The following RFTN2 variants were observed in gnomAD, a reference collection of about 807,000 sequenced individuals.
The protein encoded by RFTN2 is raftlin family member 2.
Under a neutral mutation model 52.7 loss-of-function variants are expected in RFTN2, and 34 were observed. That is an observed-to-expected ratio of 0.64 (90% CI 0.49 to 0.86). The LOEUF (loss-of-function observed/expected upper bound fraction) is 0.86, where lower values mean the gene tolerates loss of function less well. Ranked by LOEUF, RFTN2 falls within the 40% of genes least tolerant of loss-of-function variation. The probability of loss-of-function intolerance (pLI) is 0.00; values close to 1 mark genes in which losing one functional copy is unlikely to be tolerated. For missense variants in RFTN2, 536 were observed against 600.1 expected (o/e 0.89, Z 1.12); for synonymous variants, 203 against 217.7 (o/e 0.93, Z 0.59).
chr2:197,657,908 A>G (rs13404366), intron 1 of RFTN2, among the ~76,000 whole-genome samples: 101,608 of 151,648 alleles, frequency 0.67, 34,373 homozygotes, highest in Middle Eastern at 0.84. Context: ...GTTTAAAACC[A>G]TGCAGAAATG....
intron 4 of RFTN2, among the ~76,000 whole-genome samples, chr2:197,633,069 G>T (rs1156273657): frequency 6.6e-6 from 1 of 152,144 alleles, no homozygotes; most frequent in Non-Finnish European, 1.5e-5. Context: ...GCTTTTCTCT[G>T]ATAGTGCTTT....
intron 5 of RFTN2, among the ~76,000 whole-genome samples, chr2:197,621,744 A>T (rs1431963774): frequency 6.6e-6 from 1 of 152,048 alleles, no homozygotes; most frequent in East Asian, 1.9e-4. Context: ...CCCTGAAATT[A>T]GGCCAATTAA....
At chr2:197,600,234 T>A (rs1234729419) in intron 7 of RFTN2, among the ~76,000 whole-genome samples, 1 of 152,120 alleles carries the variant, frequency 6.6e-6, no homozygotes, top group African/African-American at 2.4e-5. Context: ...GAGTGCTGTT[T>A]GGGGAGTCTA....
At chr2:197,633,622 A>G in intron 4 of RFTN2, 96 bp downstream of exon 4, 2 of 907,100 alleles carry the variant, frequency 2.2e-6, no homozygotes, top group South Asian at 1.7e-5. Flanking sequence ...TATAATCTTT[A>G]GCAATTTACT....
chr2:197,668,392 C>T (rs937211524), intron 1 of RFTN2, among the ~76,000 whole-genome samples: 20 of 152,100 alleles, frequency 1.3e-4, no homozygotes, highest in Non-Finnish European at 2.2e-4. Context: ...ATGCTGCTGT[C>T]CTGCCACTGG....
chr2:197,627,442 G>A (rs1448069300), intron 5 of RFTN2, among the ~76,000 whole-genome samples: 5 of 152,170 alleles, frequency 3.3e-5, no homozygotes, highest in Non-Finnish European at 5.9e-5. Context: ...CTTGTAAGTA[G>A]GGAAGAGTAT....
At chr2:197,614,758 G>A (rs1266782022) in intron 7 of RFTN2, among the ~76,000 whole-genome samples, 1 of 152,172 alleles carries the variant, frequency 6.6e-6, no homozygotes, top group Non-Finnish European at 1.5e-5. Context: ...CAAGGTTGAG[G>A]GCGGGGGTGT....
At position 197,570,200 on chromosome 2, in the gene RFTN2, G is replaced by A. The variant is rs1226250916; in HGVS notation, c.*1808C>T. Reference sequence around the variant, plus strand: ...AAAAATCCACTAACTCTTGATTATGGAACTCAAGTCCATCTAAAAGTCAAA... The same window carrying A: ...AAAAATCCACTAACTCTTGATTATGAAACTCAAGTCCATCTAAAAGTCAAA... On this transcript the variant is annotated 3_prime_UTR_variant, in exon 9 of 9. Transcript: ENST00000295049. The A allele has an allele frequency of 2.6e-5, 4 of 152,102 alleles. No individual in the cohort carries two copies. The highest frequency in any genetic ancestry group is 4.4e-5 in the Non-Finnish European group (3 of 68,034). The allele number at this position is 152,102 out of a possible 1,614,324, so 9.4% of individuals were successfully genotyped here.
chr2:197,613,069 T>C (rs975768252), intron 7 of RFTN2, among the ~76,000 whole-genome samples: 1 of 152,252 alleles, frequency 6.6e-6, no homozygotes, highest in Non-Finnish European at 1.5e-5. Context: ...AATGTCATTA[T>C]GTATTTCTGT....
intron 1 of RFTN2, among the ~76,000 whole-genome samples, chr2:197,658,178 TA>T (rs1264116230): frequency 2.3e-5 from 2 of 86,780 alleles, no homozygotes; most frequent in African/African-American, 4.9e-5. Context: ...TTTTAAAAAA[TA>T]TTTTTTTTTT....
intron 6 of RFTN2, among the ~76,000 whole-genome samples, chr2:197,617,332 A>G (rs1361727272): frequency 1.3e-5 from 2 of 152,366 alleles, no homozygotes; most frequent in East Asian, 3.9e-4. Flanking sequence ...AACATTTAAC[A>G]CTGGATAAAG....
rs1383268248 is a variant in RFTN2 at position 197,575,936 on chromosome 2, G to GTCAAATAA, written c.1234-3657_1234-3656insTTATTTGA. On this transcript the variant is annotated intron_variant, in intron 8 of 8. Coordinates refer to ENST00000295049, the MANE Select transcript of RFTN2 (RefSeq NM_144629.3). ...AAATAAGATAGCTAAGTCAAAAAAGGGAAAGCACAACAAGGAGAATTAGCT... is the reference window on the plus strand; with the variant it reads ...AAATAAGATAGCTAAGTCAAAAAAGGTCAAATAAGAAAGCACAACAAGGAGAATTAGCT... 5.4e-4 allele frequency among the ~76,000 whole-genome samples: 72 copies of GTCAAATAA among 133,592 alleles called. 2 individuals carry two copies. In the South Asian group the frequency reaches 9.0e-3, roughly 17 times the overall value. The allele number at this position is 133,592 out of a possible 152,430, so 87.6% of individuals were successfully genotyped here. A position where few individuals can be genotyped will look rare whatever the true frequency, so the allele number is the denominator to read the frequency against.
intron 7 of RFTN2, among the ~76,000 whole-genome samples, chr2:197,604,977 T>A (rs945942926): frequency 1.3e-5 from 2 of 152,002 alleles, no homozygotes; most frequent in Non-Finnish European, 2.9e-5. Flanking sequence ...GCCAGGCTGG[T>A]CTTGAACTCC....
chr2:197,634,037 C>G (rs2088514712), intron 3 of RFTN2, 40 bp from the exon 4 acceptor site: 2 of 1,512,966 alleles, frequency 1.3e-6, no homozygotes, highest in African/African-American at 2.8e-5. Flanking sequence ...AATGTAAACT[C>G]TATTTTCATT....
chr2:197,634,066 C>A, intron 3 of RFTN2, 69 bp from the exon 4 acceptor site: 2 of 1,326,116 alleles, frequency 1.5e-6, no homozygotes, highest in Non-Finnish European at 1.0e-6. Context: ...TATCAATTAA[C>A]CTTTAGGCTT....
intron 3 of RFTN2, among the ~76,000 whole-genome samples, chr2:197,635,665 A>T (rs1365541112): frequency 2.0e-5 from 3 of 149,196 alleles, no homozygotes; most frequent in African/African-American, 7.4e-5. Context: ...AGGTTGTGAA[A>T]ATTTTCTCCC....
chr2:197,632,901 C>T (rs2088489877), intron 4 of RFTN2, among the ~76,000 whole-genome samples: 1 of 152,318 alleles, frequency 6.6e-6, no homozygotes, highest in East Asian at 1.9e-4. Context: ...AGAGTTTATT[C>T]TGTACCAGGC....
At chr2:197,574,452 C>G (rs1024132214) in intron 8 of RFTN2, among the ~76,000 whole-genome samples, 6 of 152,172 alleles carry the variant, frequency 3.9e-5, no homozygotes, top group Non-Finnish European at 7.3e-5. Flanking sequence ...AATGCCTGTA[C>G]CCCCATTGTA....
intron 8 of RFTN2, among the ~76,000 whole-genome samples, chr2:197,582,543 T>C (rs1228372655): frequency 6.6e-6 from 1 of 152,218 alleles, no homozygotes; most frequent in African/African-American, 2.4e-5. Context: ...ACATCTATCA[T>C]TGAGGCTACC....
Sources: allele counts gnomAD v4.1 joint callset (sites outside exome capture counted in the v4.1 genomes callset), GRCh38; gene constraint gnomAD v4.1.1; transcripts MANE v1.5; gene names NCBI Gene and HGNC (gene_info 2026-07-23, HGNC 2026-07-21).